The following RUNDC3B variants were observed in gnomAD, a reference collection of about 807,000 sequenced individuals.
RUNDC3B encodes RUN domain containing 3B.
In RUNDC3B, 33 loss-of-function variants were observed where a neutral mutation model predicts 58.4. The observed-to-expected ratio is 0.56, with a 90% CI of 0.43 to 0.75. The LOEUF (loss-of-function observed/expected upper bound fraction) is 0.75, where lower values mean the gene tolerates loss of function less well. Ranked by LOEUF, RUNDC3B falls within the 30% of genes least tolerant of loss-of-function variation. RUNDC3B has a pLI of 0.00. For synonymous variants in RUNDC3B, 193 were observed against 195.2 expected, an observed-to-expected ratio of 0.99 and a Z score of 0.10; for missense variants, 501 against 535.7, an observed-to-expected ratio of 0.94 and a Z score of 0.64.
At chr7:87,732,333 T>C (rs1249536143) in intron 4 of RUNDC3B, among the ~76,000 whole-genome samples, 2 of 152,030 alleles carry the variant, frequency 1.3e-5, no homozygotes, top group African/African-American at 4.8e-5. Context: ...CTTAATGATA[T>C]ATCTTAAAGA....
chr7:87,824,842 A>G (rs918268651), intron 10 of RUNDC3B, among the ~76,000 whole-genome samples: 2 of 152,166 alleles, frequency 1.3e-5, no homozygotes, highest in African/African-American at 2.4e-5. Flanking sequence ...TGCCCCTGCC[A>G]TAGAGACTTG....
At position 87,628,704 on chromosome 7, in the gene RUNDC3B, C is replaced by G; in HGVS notation, c.-120C>G. The G allele has an allele frequency of 1.7e-6, 1 of 584,698 alleles. No homozygotes were observed. Among genetic ancestry groups the G allele is most frequent in the Non-Finnish European group, 2.5e-6 (1 of 394,502 alleles). 36.2% of individuals were successfully genotyped at this position (584,698 alleles called of 1,614,324 possible). The stretch of plus-strand genomic sequence containing the variant: ...CTTCCACACCCTTCCTCCCTCCAGG[C>G]TCCTTTCCTACATCCTTCCCGCGCC... On this transcript the variant is annotated 5_prime_UTR_variant, in exon 1 of 11. Transcript: ENST00000394654.
intron 7 of RUNDC3B, among the ~76,000 whole-genome samples, chr7:87,775,766 C>A (rs564858304): frequency 2.6e-4 from 40 of 152,156 alleles, no homozygotes; most frequent in African/African-American, 9.2e-4. Flanking sequence ...GCCTACAGTA[C>A]CCAGTATAGT....
intron 1 of RUNDC3B, among the ~76,000 whole-genome samples, chr7:87,639,470 A>C (rs1039066363): frequency 1.7e-4 from 26 of 152,046 alleles, no homozygotes; most frequent in African/African-American, 5.6e-4. Context: ...TATACTCTTT[A>C]GTATTGAGAG....
At chr7:87,744,890 T>A (rs866480514) in intron 6 of RUNDC3B, among the ~76,000 whole-genome samples, 1 of 151,972 alleles carries the variant, frequency 6.6e-6, no homozygotes, top group South Asian at 2.1e-4. Flanking sequence ...TTTGTCCTGT[T>A]CCAGTTCTCA....
intron 2 of RUNDC3B, among the ~76,000 whole-genome samples, chr7:87,671,557 G>T (rs1195125894): frequency 1.3e-5 from 2 of 152,234 alleles, no homozygotes; most frequent in African/African-American, 4.8e-5. Flanking sequence ...ACCAGTGAAG[G>T]CCGCAAAACA....
chr7:87,669,552 A>G (rs2157930), intron 2 of RUNDC3B, among the ~76,000 whole-genome samples: 122,920 of 152,154 alleles, frequency 0.81, 49,907 homozygotes, highest in East Asian at 0.99. Context: ...TTTTTCTGTG[A>G]TTGTTTTACA....
intron 6 of RUNDC3B, among the ~76,000 whole-genome samples, chr7:87,753,630 G>T (rs1169049161): frequency 6.6e-6 from 1 of 152,086 alleles, no homozygotes; most frequent in Non-Finnish European, 1.5e-5. Context: ...GTTATGTAAT[G>T]GCCTTCTTTG....
At chr7:87,806,308 C>G (rs1419265509) in intron 8 of RUNDC3B, among the ~76,000 whole-genome samples, 1 of 152,126 alleles carries the variant, frequency 6.6e-6, no homozygotes, top group East Asian at 1.9e-4. Flanking sequence ...GGGTGGCATG[C>G]AGGCTGATTT....
intron 10 of RUNDC3B, among the ~76,000 whole-genome samples, chr7:87,821,100 G>A (rs1322423872): frequency 6.6e-6 from 1 of 151,000 alleles, no homozygotes; most frequent in East Asian, 1.9e-4. Flanking sequence ...AAGTCAAATT[G>A]TCCCTGTTTG....
At chr7:87,828,464 A>G (rs1837957266) in intron 10 of RUNDC3B, among the ~76,000 whole-genome samples, 1 of 152,140 alleles carries the variant, frequency 6.6e-6, no homozygotes, top group African/African-American at 2.4e-5. Context: ...ATAAGAGATT[A>G]TATGTGGTAT....
At chr7:87,638,999 A>G (rs998249223) in intron 1 of RUNDC3B, among the ~76,000 whole-genome samples, 1 of 152,168 alleles carries the variant, frequency 6.6e-6, no homozygotes, top group Non-Finnish European at 1.5e-5. Context: ...AAAAATACAA[A>G]AAATTAGCCA....
chr7:87,630,974 G>T (rs1239193220), intron 1 of RUNDC3B, among the ~76,000 whole-genome samples: 1 of 152,098 alleles, frequency 6.6e-6, no homozygotes, highest in Non-Finnish European at 1.5e-5. Flanking sequence ...GTATTTTCAT[G>T]ATTGTAATTT....
intron 8 of RUNDC3B, among the ~76,000 whole-genome samples, chr7:87,783,949 G>GAA (rs1835076081): frequency 6.6e-6 from 1 of 151,834 alleles, no homozygotes; most frequent in Non-Finnish European, 1.5e-5. Flanking sequence ...CTTTCACGTT[G>GAA]ACCTGGCAAG....
At chr7:87,762,624 C>A (rs932805956) in intron 6 of RUNDC3B, among the ~76,000 whole-genome samples, 7 of 151,240 alleles carry the variant, frequency 4.6e-5, no homozygotes, top group Admixed American at 1.3e-4. Flanking sequence ...CTAGTATATT[C>A]TTATCTTTTT....
chr7:87,631,861 A>T (rs542152354), intron 1 of RUNDC3B, among the ~76,000 whole-genome samples: 1 of 152,308 alleles, frequency 6.6e-6, no homozygotes, highest in Admixed American at 6.5e-5. Flanking sequence ...TCTGTAAAAT[A>T]ATATTGGACT....
rs753189166 is a variant in RUNDC3B, at chr7:87,700,560, A to G, written c.372+6A>G. The G allele has an allele frequency of 3.7e-6, 6 of 1,603,520 alleles. No individual in the cohort carries two copies. In the South Asian group the frequency reaches 6.9e-5, roughly 18 times the overall value. ...TCAGTTCTTCTAGAGCTAAGGTAAG[A>G]CATTGGTCAGAGACTCGTTTCTATT... On this transcript the variant is annotated splice_donor_region_variant and intron_variant, in intron 3 of 10. Transcript: ENST00000394654.
chr7:87,686,831 G>A (rs1018775916), intron 2 of RUNDC3B, among the ~76,000 whole-genome samples: 4 of 150,820 alleles, frequency 2.7e-5, no homozygotes, highest in African/African-American at 9.7e-5. Context: ...TGTAGTCCCA[G>A]CTACTTGGGA....
intron 4 of RUNDC3B, among the ~76,000 whole-genome samples, chr7:87,715,202 A>G (rs185122525): frequency 0.03 from 4,122 of 139,008 alleles, 57 homozygotes; most frequent in Middle Eastern, 0.05. Context: ...TATATATAAT[A>G]TTATAAATAT....
Sources: allele counts gnomAD v4.1 joint callset (sites outside exome capture counted in the v4.1 genomes callset), GRCh38; gene constraint gnomAD v4.1.1; transcripts MANE v1.5; gene names NCBI Gene and HGNC (gene_info 2026-07-23, HGNC 2026-07-21).